The following ELAPOR2 variants were observed in gnomAD, a reference collection of about 807,000 sequenced individuals.
ELAPOR2 encodes endosome-lysosome associated apoptosis and autophagy regulator family member 2, also known as endosome/lysosome-associated apoptosis and autophagy regulator family member 2.
A neutral mutation model predicts 120.7 loss-of-function variants in ELAPOR2; 89 were observed. That is an observed-to-expected ratio of 0.74 (90% CI 0.62 to 0.88). The LOEUF is 0.88. Ranked by LOEUF, ELAPOR2 falls within the 40% of genes least tolerant of loss-of-function variation. ELAPOR2 has a pLI of 0.00. For missense variants in ELAPOR2, 1,134 were observed against 1,251.6 expected (o/e 0.91, Z 1.42); for synonymous variants, 444 against 444.9 (o/e 1.00, Z 0.03).
chr7:86,957,743 G>C (rs1791534107), intron 2 of ELAPOR2, among the ~76,000 whole-genome samples: 3 of 152,110 alleles, frequency 2.0e-5, no homozygotes, highest in Admixed American at 2.0e-4. Context: ...TAGGTACGAA[G>C]CTACTCAGGA....
Position 86,879,074 on chromosome 7 carries a change from C to A in ELAPOR2, c.*1397G>T, listed in dbSNP as rs1051515479. ...TTCCCTACATATATGCCCTGCCTCTCTCAGCCAATCACAACTATTTTTTTA... is the reference window on the plus strand; with the variant it reads ...TTCCCTACATATATGCCCTGCCTCTATCAGCCAATCACAACTATTTTTTTA... On this transcript the variant is annotated 3_prime_UTR_variant, in exon 22 of 22. Transcript: ENST00000450689. 6.6e-6 allele frequency: 1 copy of A among 152,160 alleles called. No homozygotes were observed. Among genetic ancestry groups the A allele is most frequent in the African/African-American group, 2.4e-5 (1 of 41,438 alleles). The allele number at this position is 152,160 out of a possible 1,614,324, so 9.4% of individuals were successfully genotyped here.
At chr7:86,999,133 C>A (rs771922761) in intron 1 of ELAPOR2, among the ~76,000 whole-genome samples, 30 of 151,412 alleles carry the variant, frequency 2.0e-4, no homozygotes, top group Non-Finnish European at 4.3e-4. Flanking sequence ...TACAAATTAC[C>A]CAGTCAATAT....
chr7:87,012,889 T>C (rs1793737101), intron 1 of ELAPOR2, among the ~76,000 whole-genome samples: 1 of 152,028 alleles, frequency 6.6e-6, no homozygotes, highest in South Asian at 2.1e-4. Flanking sequence ...TATTCTAAAA[T>C]CCAAGAAATT....
chr7:86,899,460 T>C (rs1396537379), intron 18 of ELAPOR2, among the ~76,000 whole-genome samples: 1 of 152,110 alleles, frequency 6.6e-6, no homozygotes, highest in Non-Finnish European at 1.5e-5. Flanking sequence ...AGCAAAAGGA[T>C]AGCCACAAAA....
At chr7:87,028,288 T>C (rs919717973) in intron 1 of ELAPOR2, among the ~76,000 whole-genome samples, 8 of 152,110 alleles carry the variant, frequency 5.3e-5, no homozygotes, top group African/African-American at 1.9e-4. Context: ...ACCTTCACCT[T>C]GCTAAATAAA....
In ELAPOR2 at chr7:87,003,689, G is replaced by C. The variant is rs574814447; in HGVS notation, c.190-38665C>G. On this transcript the variant is annotated intron_variant, in intron 1 of 21. Coordinates refer to ENST00000450689, the MANE Select transcript of ELAPOR2 (RefSeq NM_001142749.3). ...GGTCTTTATAACAATGTGAGAACGA[G>C]CTAATACAACTTGCAAATATGGCTT... 2.0e-5 allele frequency among the ~76,000 whole-genome samples: 3 copies of C among 152,222 alleles called. No individual in the cohort carries two copies. In the South Asian group the frequency reaches 6.2e-4, roughly 32 times the overall value.
intron 1 of ELAPOR2, among the ~76,000 whole-genome samples, chr7:86,998,021 CAAAT>C (rs1222793839): frequency 2.0e-5 from 3 of 152,024 alleles, no homozygotes; most frequent in African/African-American, 7.2e-5. Flanking sequence ...TAAAGGTAGA[CAAAT>C]AAAAGATTAA....
At chr7:86,974,409 C>T (rs1027285642) in intron 1 of ELAPOR2, among the ~76,000 whole-genome samples, 3 of 151,964 alleles carry the variant, frequency 2.0e-5, no homozygotes, top group Non-Finnish European at 4.4e-5. Context: ...AACTTTAAAA[C>T]AATTTAACTG....
At chr7:87,046,376 A>G (rs1794957650) in intron 1 of ELAPOR2, among the ~76,000 whole-genome samples, 1 of 152,218 alleles carries the variant, frequency 6.6e-6, no homozygotes, top group Admixed American at 6.5e-5. Context: ...TACTGCCCAA[A>G]GCAATCTACA....
intron 1 of ELAPOR2, among the ~76,000 whole-genome samples, chr7:86,965,344 A>T (rs1405599389): frequency 1.3e-5 from 2 of 152,202 alleles, no homozygotes; most frequent in Non-Finnish European, 2.9e-5. Flanking sequence ...AATAACTGAT[A>T]GATGTGAGTA....
intron 18 of ELAPOR2, among the ~76,000 whole-genome samples, chr7:86,899,861 T>A (rs1162197647): frequency 6.6e-6 from 1 of 151,556 alleles, no homozygotes; most frequent in African/African-American, 2.4e-5. Flanking sequence ...TTTTTTTTTT[T>A]AAAGAGTAAT....
Position 87,047,585 on chromosome 7 carries a change from A to G in ELAPOR2, c.189+11740T>C, listed in dbSNP as rs112347887. 7.9e-3 allele frequency among the ~76,000 whole-genome samples: 1,204 copies of G among 152,366 alleles called. 17 individuals are homozygous for G. Among genetic ancestry groups the G allele is most frequent in the African/African-American group, 0.028 (1,157 of 41,584 alleles). The stretch of plus-strand genomic sequence containing the variant: ...AAACAGGCATATGAAAAGGTGCTCA[A>G]TATCACCAGTCATTAGAGAAATGCA... On this transcript the variant is annotated intron_variant, in intron 1 of 21. Coordinates refer to ENST00000450689, the MANE Select transcript of ELAPOR2 (RefSeq NM_001142749.3).
chr7:86,968,777 A>T (rs1189205324), intron 1 of ELAPOR2, among the ~76,000 whole-genome samples: 1 of 152,226 alleles, frequency 6.6e-6, no homozygotes, highest in East Asian at 1.9e-4. Flanking sequence ...AAACACATTG[A>T]TATGAGTCAG....
chr7:86,934,254 G>A (rs1050004459), intron 8 of ELAPOR2, among the ~76,000 whole-genome samples: 1 of 151,900 alleles, frequency 6.6e-6, no homozygotes, highest in Non-Finnish European at 1.5e-5. Context: ...AGAATACCTA[G>A]TAATTCTCCA....
At position 86,913,188 on chromosome 7, in the gene ELAPOR2, T is replaced by C. The variant is rs1010133518; in HGVS notation, c.1748A>G (p.Asn583Ser). 3 of 1,613,748 alleles carry C rather than the reference T, an allele frequency of 1.9e-6. No homozygotes were observed. Among genetic ancestry groups the C allele is most frequent in the Admixed American group, 3.3e-5 (2 of 59,984 alleles). ...GATAGAATAAATCTTCACCATGTCA[T>C]TGATGAACCGTCTATTCTAAAAAAA... ...NQGQDNRRFI[N>S]DMVKIYSITA... Residue 583 changes from asparagine to serine, a missense_variant, in exon 14 of 22, where the codon AAT becomes AGT. Physicochemically the swap from Asn to Ser is conservative, Grantham distance 46. This residue lies in a region of ELAPOR2 where 831 missense variants were observed against 867.6 expected (regional missense o/e 0.96). Transcript: ENST00000450689.
intron 1 of ELAPOR2, among the ~76,000 whole-genome samples, chr7:86,975,083 A>G (rs901562678): frequency 6.6e-6 from 1 of 152,232 alleles, no homozygotes; most frequent in Admixed American, 6.5e-5. Flanking sequence ...ACGAGAGAAA[A>G]GAGAACAAAG....
At chr7:87,046,681 T>C (rs1794968368) in intron 1 of ELAPOR2, among the ~76,000 whole-genome samples, 1 of 152,182 alleles carries the variant, frequency 6.6e-6, no homozygotes, top group African/African-American at 2.4e-5. Context: ...ATGTCATAAG[T>C]CTTTGGAAGT....
intron 1 of ELAPOR2, among the ~76,000 whole-genome samples, chr7:86,972,742 C>G (rs533757709): frequency 6.6e-6 from 1 of 151,712 alleles, no homozygotes; most frequent in Non-Finnish European, 1.5e-5. Context: ...ACCACCACCC[C>G]CAAAGACTAG....
intron 2 of ELAPOR2, among the ~76,000 whole-genome samples, chr7:86,957,166 A>G (rs1791507454): frequency 6.6e-6 from 1 of 152,214 alleles, no homozygotes; most frequent in African/African-American, 2.4e-5. Context: ...CCTTTCAGCT[A>G]TCACTTGTGT....
Sources: allele counts gnomAD v4.1 joint callset (sites outside exome capture counted in the v4.1 genomes callset), GRCh38; gene constraint gnomAD v4.1.1; regional missense constraint gnomAD v4.1.1; transcripts MANE v1.5; gene names NCBI Gene and HGNC (gene_info 2026-07-23, HGNC 2026-07-21).